Variants in CIAO3 observed in about 807,000 individuals in gnomAD.
The protein encoded by CIAO3 is cytosolic iron-sulfur assembly component 3, also known as LET1 like/JFP15.
CIAO3 carries 45 observed loss-of-function variants against 51.5 expected under a neutral mutation model. The observed-to-expected ratio is 0.87, with a 90% CI of 0.69 to 1.12. The LOEUF is 1.12. Among genes scored for constraint, CIAO3 ranks in the 50% most tolerant of loss-of-function variants. The pLI, the probability that CIAO3 is intolerant of heterozygous loss-of-function variation, is 0.00. For synonymous variants in CIAO3, 314 were observed against 269.3 expected (o/e 1.17, Z -1.63); for missense variants, 668 against 632.5 (o/e 1.06, Z -0.60).
At chr16:737,000 T>C in intron 3 of CIAO3, 186 bp downstream of exon 3, 1 of 700,652 alleles carries the variant, frequency 1.4e-6, no homozygotes, top group Non-Finnish European at 2.4e-6. Context: ...AACCTGAAGT[T>C]TGGGGCCTGA....
At chr16:740,646 C>G in intron 1 of CIAO3, 1 of 516,620 alleles carries the variant, frequency 1.9e-6, no homozygotes, top group Non-Finnish European at 3.4e-6. Flanking sequence ...CCCGCGACCA[C>G]GGGACCCTCC....
At position 730,024 on chromosome 16, in the gene CIAO3, C is replaced by G. The variant is rs117254499; in HGVS notation, c.*393G>C. The G allele has an allele frequency of 3.7e-4, 132 of 357,530 alleles. No individual in the cohort carries two copies. In the East Asian group the frequency reaches 9.2e-3, roughly 25 times the overall value. The allele number at this position is 357,530 out of a possible 1,614,324, so 22.1% of individuals were successfully genotyped here. On this transcript the variant is annotated 3_prime_UTR_variant, in exon 11 of 11. Coordinates refer to ENST00000251588, the MANE Select transcript of CIAO3 (RefSeq NM_022493.3). ...TTGCACAGAGCTTCAAGGGAAGCCT[C>G]CAGAAGTCAGGGGTGAGAACCCGTC...
intron 1 of CIAO3, chr16:740,590 G>A: frequency 4.6e-6 from 2 of 437,420 alleles, no homozygotes; most frequent in Non-Finnish European, 8.2e-6. Context: ...GGGATGTGTG[G>A]GAGCCGCCTC....
chr16:731,646 C>G lies in CIAO3; in HGVS notation c.953G>C (p.Gly318Ala), dbSNP rs2041284318. The change falls in exon 9 of 11, where the codon GGC (glycine) becomes GCC (alanine). Residue 318 changes from glycine (G) to alanine (A), a missense_variant. Coordinates refer to ENST00000251588, the MANE Select transcript of CIAO3 (RefSeq NM_022493.3). ...PTSHRGGGSG[G>A]YLEHVFRHAA... ...GTGCCGGAACACGTGCTCCAGGTAGCCCCCCGAGCCCCCTCCCCGATGGCT... is the reference window on the plus strand; with the variant it reads ...GTGCCGGAACACGTGCTCCAGGTAGGCCCCCGAGCCCCCTCCCCGATGGCT... The G allele has an allele frequency of 6.4e-7, 1 of 1,556,544 alleles. No individual in the cohort carries two copies. Among genetic ancestry groups the G allele is most frequent in the Non-Finnish European group, 8.7e-7 (1 of 1,150,860 alleles).
intron 4 of CIAO3, 172 bp from the exon 5 acceptor site, chr16:735,043 C>G: frequency 1.1e-6 from 1 of 897,148 alleles, no homozygotes; most frequent in East Asian, 2.8e-5. Context: ...CGCCAAAGCC[C>G]CAGCCCCACT....
intron 5 of CIAO3, 83 bp downstream of exon 5, chr16:734,654 C>G: frequency 6.2e-7 from 1 of 1,609,308 alleles, no homozygotes; most frequent in Middle Eastern, 1.7e-4. Context: ...CCCATGCCCC[C>G]GCCTTGTCAT....
chr16:734,579 C>G, intron 5 of CIAO3, 158 bp downstream of exon 5: 2 of 1,356,228 alleles, frequency 1.5e-6, no homozygotes, highest in African/African-American at 1.4e-5. Context: ...AGCCTCTTCT[C>G]CAGAAAAGGC....
At chr16:740,703 G>A in intron 1 of CIAO3, 1 of 557,572 alleles carries the variant, frequency 1.8e-6, no homozygotes, top group Non-Finnish European at 3.1e-6. Context: ...GGGTTGGGGG[G>A]CGCCGCCCTC....
At chr16:733,807 G>C in intron 6 of CIAO3, 1 of 369,158 alleles carries the variant, frequency 2.7e-6, no homozygotes, top group Middle Eastern at 8.9e-4. Flanking sequence ...TGCCGCAGGG[G>C]ACATGGGCGC....
intron 9 of CIAO3, 39 bp downstream of exon 9, chr16:731,526 G>A (rs1416847685): frequency 3.3e-6 from 5 of 1,517,974 alleles, no homozygotes; most frequent in East Asian, 2.5e-5. Flanking sequence ...TGGGGGCTGT[G>A]TGGCCGCTCT....
In CIAO3 at chr16:733,293, C is replaced by T. The variant is rs368504902; in HGVS notation, c.823+5G>A. The stretch of plus-strand genomic sequence containing the variant: ...AGGGCTCAGGGCCGCACGGCGTGAC[C>T]GCACCTGTTGTGAGGACACAGTCCA... On this transcript the variant is annotated splice_donor_5th_base_variant and intron_variant, in intron 7 of 10. Coordinates refer to ENST00000251588, the MANE Select transcript of CIAO3 (RefSeq NM_022493.3). The T allele has an allele frequency of 2.9e-5, 47 of 1,613,142 alleles. No homozygotes were observed. Among genetic ancestry groups the T allele is most frequent in the African/African-American group, 2.8e-4 (21 of 75,072 alleles).
At chr16:731,217 T>C (rs2041277785) in intron 9 of CIAO3, 2 of 663,410 alleles carry the variant, frequency 3.0e-6, no homozygotes, top group Non-Finnish European at 5.0e-6. Flanking sequence ...TCGGGCTGTC[T>C]GTGAAACAGG....
intron 4 of CIAO3, among the ~76,000 whole-genome samples, chr16:735,882 A>C (rs1458716290): frequency 3.9e-5 from 6 of 152,196 alleles, no homozygotes; most frequent in Admixed American, 6.5e-5. Context: ...GAGCCTAGTT[A>C]GCTGGGGGCT....
chr16:733,352 C>A lies in CIAO3; in HGVS notation c.769G>T (p.Asp257Tyr). The change falls in exon 7 of 11, where the codon GAC becomes TAC. Residue 257 changes from aspartate (D) to tyrosine (Y), a missense_variant. Transcript: ENST00000251588. ...GTCTGGTGCTCCTGGTTGAAAAAGTCGGGTCTGGAGGCTTCCAGCTTTTTG... is the reference window on the plus strand; with the variant it reads ...GTCTGGTGCTCCTGGTTGAAAAAGTAGGGTCTGGAGGCTTCCAGCTTTTTG... ...YDKKLEASRP[D>Y]FFNQEHQTRD... 6.2e-7 allele frequency: 1 copy of A among 1,613,876 alleles called. No homozygotes were observed. Among genetic ancestry groups the A allele is most frequent in the Non-Finnish European group, 8.5e-7 (1 of 1,180,002 alleles).
At chr16:739,052 C>G (rs1466611347) in intron 2 of CIAO3, among the ~76,000 whole-genome samples, 1 of 150,918 alleles carries the variant, frequency 6.6e-6, no homozygotes, top group Non-Finnish European at 1.5e-5. Flanking sequence ...AATCCCAGCA[C>G]TTTGGGAGGC....
rs2151603414 is a variant in CIAO3, at chr16:737,041, C to T, written c.306+145G>A. The T allele has an allele frequency of 4.9e-6, 5 of 1,021,784 alleles. No homozygotes were observed. The East Asian group carries it at 9.7e-5, about 20-fold the overall frequency. 63.3% of individuals were successfully genotyped at this position (1,021,784 alleles called of 1,614,324 possible). A position where few individuals can be genotyped will look rare whatever the true frequency, so the allele number is the denominator to read the frequency against. Reference sequence around the variant, plus strand: ...TCACCACTGGAGCCCACTGACAAATCACCAAGATTCCAAGCCTCAAAAAGG... The same window carrying T: ...TCACCACTGGAGCCCACTGACAAATTACCAAGATTCCAAGCCTCAAAAAGG... On this transcript the variant is annotated intron_variant, in intron 3 of 10. Coordinates refer to ENST00000251588, the MANE Select transcript of CIAO3 (RefSeq NM_022493.3). The surrounding 1 kb of genome is among the most constrained non-coding windows in gnomAD (Gnocchi z 5.3).
intron 6 of CIAO3, 78 bp from the exon 7 acceptor site, chr16:733,505 C>T: frequency 6.3e-7 from 1 of 1,599,216 alleles, no homozygotes; most frequent in Non-Finnish European, 8.5e-7. Flanking sequence ...CTCAGCCATC[C>T]TGCAGCCAGG....
chr16:740,395 T>TAGCGGGCCGCCC, intron 1 of CIAO3: 1 of 319,174 alleles, frequency 3.1e-6, no homozygotes, highest in Non-Finnish European at 6.3e-6. Flanking sequence ...GCGGGGCGTC[T>TAGCGGGCCGCCC]AGCGGGCCGC....
At chr16:734,715 AC>A (rs1178894588) in intron 5 of CIAO3, 21 bp downstream of exon 5, 11 of 1,612,308 alleles carry the variant, frequency 6.8e-6, no homozygotes, top group Non-Finnish European at 9.3e-6. Context: ...TGACTCTCCC[AC>A]CACCCGCACC....
Sources: allele counts gnomAD v4.1 joint callset (sites outside exome capture counted in the v4.1 genomes callset), GRCh38; gene constraint gnomAD v4.1.1; non-coding constraint Gnocchi (gnomAD v3.1); transcripts MANE v1.5; gene names NCBI Gene and HGNC (gene_info 2026-07-23, HGNC 2026-07-21).